DNAH8: variants seen among roughly 807,000 people sequenced by gnomAD.
DNAH8 encodes dynein axonemal heavy chain 8.
In DNAH8, 382 loss-of-function variants were observed where a neutral mutation model predicts 562.1. That is an observed-to-expected ratio of 0.68 (90% CI 0.63 to 0.74). The LOEUF is 0.74. Ranked by LOEUF, DNAH8 falls within the 30% of genes least tolerant of loss-of-function variation. DNAH8 has a pLI of 0.00. For synonymous variants in DNAH8, 1,881 were observed against 1,919.4 expected (o/e 0.98, Z 0.52); for missense variants, 5,203 against 5,620.4 (o/e 0.93, Z 2.37).
chr6:38,947,043 C>T (rs188295199), intron 80 of DNAH8, among the ~76,000 whole-genome samples: 182 of 152,226 alleles, frequency 1.2e-3, no homozygotes, highest in Non-Finnish European at 2.2e-3. Flanking sequence ...CAACAATAAC[C>T]CTGCCACAGA....
rs1227622161 is a variant in DNAH8, at chr6:38,887,002, T to G, written c.8471T>G (p.Phe2824Cys). The G allele has an allele frequency of 8.2e-6, 13 of 1,589,992 alleles. No homozygotes were observed. Among genetic ancestry groups the G allele is most frequent in the Non-Finnish European group, 1.1e-5 (13 of 1,158,274 alleles). The part of the protein sequence containing the change: ...LPSNASIDKI[F>C]GIIGCGYFDP... ...TCAAATGCTTCAATAGACAAAATTT[T>G]TGGTATGAATATTCTTAGCGTTTAT... is the stretch of plus-strand genomic sequence containing the variant. The change falls in exon 57 of 93, where the codon TTT becomes TGT. Residue 2824 changes from phenylalanine (F) to cysteine (C), a missense_variant and splice_region_variant. By Grantham distance (205) the Phe-to-Cys change is radical. Coordinates refer to ENST00000327475, the MANE Select transcript of DNAH8 (RefSeq NM_001206927.2).
At chr6:38,794,192 T>G (rs1267216167) in intron 21 of DNAH8, among the ~76,000 whole-genome samples, 1 of 151,972 alleles carries the variant, frequency 6.6e-6, no homozygotes, top group Middle Eastern at 3.2e-3. Context: ...CTGACTTTCC[T>G]TTCTCGTCCA....
rs1173207438 is a variant in DNAH8, at chr6:38,854,036, G to C, written c.5733+689G>C. Among the ~76,000 whole-genome samples the C allele has an allele frequency of 4.6e-5, 7 of 152,094 alleles. No homozygotes were observed. The East Asian group carries it at 1.4e-3, about 29-fold the overall frequency. ...TGTGTGTAAGTGCACGTGTGTGTGT[G>C]TGTATATATATATGTATATATATAC... On this transcript the variant is annotated intron_variant, in intron 41 of 92. Transcript: ENST00000327475.
At chr6:38,792,937 ACTTG>A (rs1562803515) in intron 21 of DNAH8, among the ~76,000 whole-genome samples, 1 of 151,976 alleles carries the variant, frequency 6.6e-6, no homozygotes, top group Non-Finnish European at 1.5e-5. Context: ...TACCACCACA[ACTTG>A]CTAATTAAAA....
At chr6:38,962,028 G>T (rs541278911) in intron 82 of DNAH8, among the ~76,000 whole-genome samples, 1 of 151,824 alleles carries the variant, frequency 6.6e-6, no homozygotes, top group Non-Finnish European at 1.5e-5. Context: ...ATGCTTTCTT[G>T]TAAAATAAGA....
At chr6:38,715,802 A>G (rs1262350903) in intron 1 of DNAH8, among the ~76,000 whole-genome samples, 2 of 108,714 alleles carry the variant, frequency 1.8e-5, no homozygotes, top group Non-Finnish European at 4.9e-5. Flanking sequence ...ACAACTACAT[A>G]TCGCTTGCAA....
chr6:38,859,957 G>A, intron 42 of DNAH8, among the ~76,000 whole-genome samples: 1 of 152,252 alleles, frequency 6.6e-6, no homozygotes, highest in Middle Eastern at 3.4e-3. Flanking sequence ...GATGCCCCTA[G>A]CTGTACTGAC....
At position 38,771,148 on chromosome 6, in the gene DNAH8, C is replaced by T. The variant is rs76456525; in HGVS notation, c.1764+589C>T. ...TCTCATTTAGGTATTCTTCCCCCAA[C>T]TTCGCTAATTCCCTGGATCCTGCTA... On this transcript the variant is annotated intron_variant, in intron 12 of 92. Transcript: ENST00000327475. Among the ~76,000 whole-genome samples, 585 of 152,294 alleles carry T rather than the reference C, an allele frequency of 3.8e-3. 8 individuals are homozygous for T. Among genetic ancestry groups the T allele is most frequent in the African/African-American group, 0.014 (566 of 41,564 alleles).
chr6:38,909,710 A>T lies in DNAH8; in HGVS notation c.9706A>T (p.Met3236Leu). The T allele has an allele frequency of 1.9e-6, 3 of 1,614,130 alleles. No homozygotes were observed. Among genetic ancestry groups the T allele is most frequent in the Non-Finnish European group, 2.5e-6 (3 of 1,179,970 alleles). Residue 3236 changes from methionine (M) to leucine (L), a missense_variant, in exon 65 of 93, where the codon ATG (methionine) becomes TTG (leucine). Physicochemically the swap from Met to Leu is conservative, Grantham distance 15 (BLOSUM62 2). Around this residue, in one of 6 missense-constraint regions of DNAH8, gnomAD observed 977 missense variants for 1,061.8 expected, o/e 0.92. Coordinates refer to ENST00000327475, the MANE Select transcript of DNAH8 (RefSeq NM_001206927.2). The part of the protein sequence containing the change: ...VVETMGLFHD[M>L]VSESCESYFQ... ...AGAAACAATGGGCCTGTTTCATGAC[A>T]TGGTTTCAGAGAGCTGTGAAAGTTA...
chr6:38,732,708 C>A (rs1339413067), intron 4 of DNAH8, among the ~76,000 whole-genome samples: 1 of 151,938 alleles, frequency 6.6e-6, no homozygotes, highest in Non-Finnish European at 1.5e-5. Flanking sequence ...TGTATTCATT[C>A]AAGGTTTATA....
intron 24 of DNAH8, among the ~76,000 whole-genome samples, chr6:38,812,212 G>A (rs111948530): frequency 6.6e-6 from 1 of 152,030 alleles, no homozygotes; most frequent in Non-Finnish European, 1.5e-5. Context: ...TTTCCAGCCC[G>A]GAACCCTGGC....
At chr6:38,838,597 C>T (rs1774506838) in intron 33 of DNAH8, among the ~76,000 whole-genome samples, 1 of 151,802 alleles carries the variant, frequency 6.6e-6, no homozygotes, top group African/African-American at 2.4e-5. Flanking sequence ...GACGGGGTTT[C>T]ACCATGTTAG....
At chr6:38,733,092 G>C (rs1243829635) in intron 4 of DNAH8, among the ~76,000 whole-genome samples, 1 of 152,028 alleles carries the variant, frequency 6.6e-6, no homozygotes, top group Non-Finnish European at 1.5e-5. Context: ...AGGTCTTACT[G>C]TGTTGCCCAG....
intron 3 of DNAH8, among the ~76,000 whole-genome samples, chr6:38,725,074 G>A (rs939793695): frequency 7.9e-5 from 12 of 152,000 alleles, no homozygotes; most frequent in Non-Finnish European, 1.2e-4. Context: ...AAGCTGAGGC[G>A]GGCAGATCGC....
chr6:38,858,778 T>C (rs1776391619), intron 42 of DNAH8, among the ~76,000 whole-genome samples: 1 of 152,260 alleles, frequency 6.6e-6, no homozygotes, highest in South Asian at 2.1e-4. Flanking sequence ...TAGCTTTTAC[T>C]AATTGCAGTT....
At chr6:38,729,027 AC>A (rs1207660526) in intron 3 of DNAH8, among the ~76,000 whole-genome samples, 5 of 152,146 alleles carry the variant, frequency 3.3e-5, no homozygotes, top group African/African-American at 1.2e-4. Context: ...ACATGGCGAA[AC>A]CCCATCTTTA....
At chr6:38,916,162 G>A (rs7357080) in intron 68 of DNAH8, among the ~76,000 whole-genome samples, 98,176 of 152,004 alleles carry the variant, frequency 0.65, 32,675 homozygotes, top group East Asian at 0.83. Context: ...GCTCCTGTCT[G>A]TCTCTTCAAC....
At chr6:38,800,579 C>A (rs1477058303) in intron 21 of DNAH8, among the ~76,000 whole-genome samples, 1 of 152,110 alleles carries the variant, frequency 6.6e-6, no homozygotes, top group East Asian at 1.9e-4. Context: ...TGCAGTGGCG[C>A]CATCTTGGCT....
intron 57 of DNAH8, among the ~76,000 whole-genome samples, chr6:38,887,484 A>G (rs911909630): frequency 6.6e-6 from 1 of 152,206 alleles, no homozygotes; most frequent in Non-Finnish European, 1.5e-5. Flanking sequence ...AGGTGAGAGA[A>G]TTGCTGGAGG....
Sources: allele counts gnomAD v4.1 joint callset (sites outside exome capture counted in the v4.1 genomes callset), GRCh38; gene constraint gnomAD v4.1.1; regional missense constraint gnomAD v4.1.1; transcripts MANE v1.5; gene names NCBI Gene and HGNC (gene_info 2026-07-23, HGNC 2026-07-21).